The following CNST variants were observed in gnomAD, a reference collection of about 807,000 sequenced individuals.
CNST encodes consortin.
CNST carries 39 observed loss-of-function variants against 72.4 expected under a neutral mutation model. The observed-to-expected ratio is 0.54, with a 90% CI of 0.42 to 0.70. CNST has a LOEUF of 0.70. CNST is among the 30% of genes least tolerant of loss of function. The pLI, the probability that CNST is intolerant of heterozygous loss-of-function variation, is 0.00. For synonymous variants in CNST, 332 were observed against 320.1 expected (o/e 1.04, Z -0.40); for missense variants, 871 against 868.5 (o/e 1.00, Z -0.04).
chr1:246,583,427 G>A (rs1441944969), intron 1 of CNST, among the ~76,000 whole-genome samples: 1 of 152,230 alleles, frequency 6.6e-6, no homozygotes, highest in Non-Finnish European at 1.5e-5. Flanking sequence ...TTTTTTGAGA[G>A]AAGAGGAATG....
intron 9 of CNST, among the ~76,000 whole-genome samples, chr1:246,653,607 C>G (rs1031098124): frequency 1.3e-5 from 2 of 152,176 alleles, no homozygotes; most frequent in African/African-American, 4.8e-5. Flanking sequence ...CCAGGAATTA[C>G]CTGTTTTCCA....
intron 5 of CNST, 135 bp from the exon 6 acceptor site, chr1:246,634,332 TTATTTC>T (rs1318177103): frequency 1.4e-5 from 8 of 580,068 alleles, no homozygotes; most frequent in Non-Finnish European, 2.4e-5. Flanking sequence ...AATAAGTTAG[TTATTTC>T]TAACTGTTGG....
At chr1:246,660,096 T>C (rs1667005437) in intron 9 of CNST, 103 bp from the exon 10 acceptor site, 2 of 911,748 alleles carry the variant, frequency 2.2e-6, no homozygotes, top group Admixed American at 5.1e-5. Context: ...TGGATACCCC[T>C]GTAATAAAAA....
chr1:246,580,725 G>A (rs942465671), intron 1 of CNST, among the ~76,000 whole-genome samples: 3 of 152,032 alleles, frequency 2.0e-5, no homozygotes, highest in Non-Finnish European at 4.4e-5. Flanking sequence ...GAACATTGGT[G>A]TCTTTCTGAA....
At position 246,647,328 on chromosome 1, in the gene CNST, A is replaced by C. The variant is rs1666159298; in HGVS notation, c.1127A>C (p.Gln376Pro). 3 of 1,614,168 alleles carry C rather than the reference A, an allele frequency of 1.9e-6. No homozygotes were observed. Among genetic ancestry groups the C allele is most frequent in the African/African-American group, 1.3e-5 (1 of 75,066 alleles). Residue 376 changes from glutamine to proline, a missense_variant, in exon 9 of 11, where the codon CAG (glutamine) becomes CCG (proline). Coordinates refer to ENST00000366513, the MANE Select transcript of CNST (RefSeq NM_152609.3). The stretch of plus-strand genomic sequence containing the variant: ...GAAGCCACGTTAGCGCTCCACACCC[A>C]GTCCTCCGAGACAGCAGGGAGCCCG... ...SAEATLALHT[Q>P]SSETAGSPSG...
chr1:246,637,220 G>A (rs1159127651), intron 6 of CNST, among the ~76,000 whole-genome samples: 4 of 152,204 alleles, frequency 2.6e-5, no homozygotes, highest in Non-Finnish European at 5.9e-5. Context: ...GGACCCAGTT[G>A]GGGAGTCCTT....
At chr1:246,649,112 A>G (rs77189019) in intron 9 of CNST, among the ~76,000 whole-genome samples, 7,186 of 150,740 alleles carry the variant, frequency 0.048, 555 homozygotes, top group African/African-American at 0.16. Context: ...TATTTTAACC[A>G]GACAGCTTGG....
intron 2 of CNST, chr1:246,606,206 T>G (rs1292386106): frequency 6.6e-6 from 1 of 152,206 alleles, no homozygotes; most frequent in East Asian, 1.9e-4. Flanking sequence ...AGAGTTTTAA[T>G]GGCTTTTATT....
intron 3 of CNST, among the ~76,000 whole-genome samples, chr1:246,624,160 G>A (rs1251436958): frequency 6.6e-6 from 1 of 152,198 alleles, no homozygotes; most frequent in Non-Finnish European, 1.5e-5. Flanking sequence ...CTTGAAGAAT[G>A]CCTTTGAGGA....
At chr1:246,589,633 A>C (rs564212440) in intron 1 of CNST, among the ~76,000 whole-genome samples, 1 of 152,268 alleles carries the variant, frequency 6.6e-6, no homozygotes, top group Non-Finnish European at 1.5e-5. Context: ...TATACCCAGT[A>C]ATGGGATGGC....
intron 9 of CNST, 147 bp from the exon 10 acceptor site, chr1:246,660,052 G>T: frequency 1.5e-6 from 1 of 653,156 alleles, no homozygotes. Flanking sequence ...GTTTTATTCT[G>T]TTAGATTTTG....
intron 8 of CNST, 104 bp downstream of exon 8, chr1:246,642,141 T>TTG: frequency 1.6e-6 from 1 of 616,250 alleles, no homozygotes; most frequent in South Asian, 2.6e-5. Flanking sequence ...TGGTTTTTTT[T>TTG]TTTTTTTTTT....
At chr1:246,588,704 G>A (rs1661349769) in intron 1 of CNST, among the ~76,000 whole-genome samples, 1 of 152,114 alleles carries the variant, frequency 6.6e-6, no homozygotes, top group Non-Finnish European at 1.5e-5. Context: ...TACAATCAAT[G>A]TGTAGAATTA....
Position 246,614,541 on chromosome 1 carries a change from C to T in CNST, c.380-6888C>T, listed in dbSNP as rs186089170. Among the ~76,000 whole-genome samples, 613 of 149,674 alleles carry T rather than the reference C, an allele frequency of 4.1e-3. 3 individuals are homozygous for T. Among genetic ancestry groups the T allele is most frequent in the African/African-American group, 0.014 (578 of 40,712 alleles). On this transcript the variant is annotated intron_variant, in intron 2 of 10. Coordinates refer to ENST00000366513, the MANE Select transcript of CNST (RefSeq NM_152609.3). The stretch of plus-strand genomic sequence containing the variant: ...TTTTTTTTTTTTTTGGAGACAGTCT[C>T]GCTCTCTACAACCTCCACTTCCTGG...
At chr1:246,607,863 A>T (rs1302797190) in intron 2 of CNST, 1 of 152,232 alleles carries the variant, frequency 6.6e-6, no homozygotes, top group African/African-American at 2.4e-5. Context: ...TGGGCGGATC[A>T]CGAGGCCAAG....
intron 3 of CNST, among the ~76,000 whole-genome samples, chr1:246,624,449 A>G (rs779311474): frequency 3.3e-5 from 5 of 152,250 alleles, no homozygotes; most frequent in Non-Finnish European, 5.9e-5. Context: ...CATATGTTTG[A>G]CGTACAGTAA....
At chr1:246,660,436 ACTATGTCCGCCAGGCACGGTGGCTCACAC>A in intron 10 of CNST, 102 bp downstream of exon 10, 1 of 1,335,044 alleles carries the variant, frequency 7.5e-7, no homozygotes, top group Admixed American at 2.2e-5. Flanking sequence ...TTTGTAAAAG[ACTATGTCCGCCAGGCACGGTGGCTCACAC>A]CTGTAATCCC....
chr1:246,588,349 G>T (rs892179354), intron 1 of CNST, among the ~76,000 whole-genome samples: 4 of 152,066 alleles, frequency 2.6e-5, no homozygotes, highest in Non-Finnish European at 5.9e-5. Context: ...TTTACATTGT[G>T]AATATGGGAA....
chr1:246,617,327 T>C (rs892803201), intron 2 of CNST, among the ~76,000 whole-genome samples: 7 of 152,248 alleles, frequency 4.6e-5, no homozygotes, highest in Admixed American at 2.6e-4. Context: ...TTAGTTCTTA[T>C]AACTCCTATT....
Sources: gnomAD v4.1 joint callset for allele counts (sites outside exome capture counted in the v4.1 genomes callset) on GRCh38, gnomAD v4.1.1 for gene constraint, MANE v1.5 for transcripts, NCBI Gene and HGNC (gene_info 2026-07-23, HGNC 2026-07-21) for gene names.